TEDC2: variants seen among roughly 807,000 people sequenced by gnomAD.
TEDC2 encodes tubulin epsilon and delta complex protein 2.
In TEDC2, 49 loss-of-function variants were observed where a neutral mutation model predicts 48.1. That is an observed-to-expected ratio of 1.02 (90% CI 0.81 to 1.29). The LOEUF is 1.29. Ranked by LOEUF, TEDC2 falls within the 50% of genes most tolerant of loss-of-function variation. The pLI is 0.00. For synonymous variants in TEDC2, 299 were observed against 247.1 expected (o/e 1.21, Z -1.97); for missense variants, 631 against 571.4 (o/e 1.10, Z -1.06).
intron 4 of TEDC2, 191 bp from the exon 5 acceptor site, chr16:2,461,556 A>C (rs2065466883): frequency 1.5e-6 from 1 of 677,562 alleles, no homozygotes; most frequent in Non-Finnish European, 2.5e-6. Context: ...CTTCTCTCTA[A>C]TGGGGCAGCA....
Position 2,462,596 on chromosome 16 carries a change from A to G in TEDC2, c.863-35A>G, listed in dbSNP as rs560815265. The G allele has an allele frequency of 9.2e-5, 141 of 1,538,224 alleles. 3 individuals are homozygous for G. The South Asian group carries it at 1.7e-3, about 18-fold the overall frequency. On this transcript the variant is annotated intron_variant, in intron 7 of 9. Coordinates refer to ENST00000361837, the MANE Select transcript of TEDC2 (RefSeq NM_025108.3). ...GTGCAGGGAGGGTTTCCAGACTGCC[A>G]CGGGCCCCACCTGCTCTCCCTGACT...
chr16:2,460,834 AAGAC>A lies in TEDC2; in HGVS notation c.216_219del (p.Gln72HisfsTer8). On this transcript the variant is annotated frameshift_variant, in exon 4 of 10. Transcript: ENST00000361837. LOFTEE classifies it high-confidence loss of function. ...TTCACAGCATGCACACCCAGTCCACAAGACCTCAAAGAGTTGGAGTTTCTGACCC... is the reference window on the plus strand; with the variant it reads ...TTCACAGCATGCACACCCAGTCCACACTCAAAGAGTTGGAGTTTCTGACCC... 1 of 1,612,832 alleles carries A rather than the reference AAGAC, an allele frequency of 6.2e-7. No individual in the cohort carries two copies. Among genetic ancestry groups the A allele is most frequent in the Non-Finnish European group, 8.5e-7 (1 of 1,179,674 alleles).
chr16:2,464,118 G>C lies in TEDC2; in HGVS notation c.1044G>C (p.Glu348Asp). Residue 348 changes from glutamate to aspartate, a missense_variant, in exon 9 of 10, where the codon GAG becomes GAC. Physicochemically the swap from Glu to Asp is conservative, Grantham distance 45 (BLOSUM62 2). Coordinates refer to ENST00000361837, the MANE Select transcript of TEDC2 (RefSeq NM_025108.3). ...CGCCGTCCTGTGGGGGTAGAGCGGAGCCTGCATGGAGCCCCCAGCTGCTTG... is the reference window on the plus strand; with the variant it reads ...CGCCGTCCTGTGGGGGTAGAGCGGACCCTGCATGGAGCCCCCAGCTGCTTG... Reference protein sequence around the residue: ...GASPSCGGRAEPAWSPQLLVY... With the variant: ...GASPSCGGRADPAWSPQLLVY... The C allele has an allele frequency of 6.2e-7, 1 of 1,612,840 alleles. No individual in the cohort carries two copies. The highest frequency in any genetic ancestry group is 8.5e-7 in the Non-Finnish European group (1 of 1,179,972).
intron 6 of TEDC2, 71 bp downstream of exon 6, chr16:2,462,310 C>G: frequency 6.2e-7 from 1 of 1,603,312 alleles, no homozygotes; most frequent in Non-Finnish European, 8.5e-7. Context: ...CAGAGCAGCC[C>G]CAGGAGGGGC....
chr16:2,463,128 T>C lies in TEDC2; in HGVS notation c.964+396T>C, dbSNP rs200104312. Among the ~76,000 whole-genome samples the C allele has an allele frequency of 2.2e-4, 33 of 150,592 alleles. No individual in the cohort carries two copies. In the South Asian group the frequency reaches 4.4e-3, roughly 20 times the overall value. ...TGAGGTCAGGAGATCAAGACCATCC[T>C]GGCTAACACGGTGAAACCCTGTCTC... is the stretch of plus-strand genomic sequence containing the variant. On this transcript the variant is annotated intron_variant, in intron 8 of 9. Transcript: ENST00000361837.
chr16:2,460,596 G>A (rs542950299), intron 2 of TEDC2, 27 bp from the exon 3 acceptor site: 1 of 1,611,914 alleles, frequency 6.2e-7, no homozygotes, highest in African/African-American at 1.3e-5. Flanking sequence ...CCTCCTGGCC[G>A]TGCGACGGCT....
chr16:2,464,627 GC>G lies in TEDC2; in HGVS notation c.1262del (p.Ala421AspfsTer50). On this transcript the variant is annotated frameshift_variant, in exon 10 of 10. Transcript: ENST00000361837. LOFTEE classifies it high-confidence loss of function. Reference protein sequence around the residue: ...AVHSLLCEGGARVLTILRDEP... With the variant: ...AVHSLLCEGGXRVLTILRDEP... ...GCACAGCCTGCTCTGCGAGGGAGGA[GC>G]ACGTGTCCTTACCATCCTGCGGGAT... The G allele has an allele frequency of 6.2e-7, 1 of 1,612,846 alleles. No homozygotes were observed. Among genetic ancestry groups the G allele is most frequent in the Non-Finnish European group, 8.5e-7 (1 of 1,179,978 alleles).
At chr16:2,460,772 G>A (rs771211468) in intron 3 of TEDC2, 44 bp from the exon 4 acceptor site, 4 of 1,611,114 alleles carry the variant, frequency 2.5e-6, no homozygotes, top group Non-Finnish European at 2.5e-6. Context: ...ACCCTCCTGG[G>A]GGACAGTGGG....
At chr16:2,461,383 C>A in intron 4 of TEDC2, 159 bp downstream of exon 4, 1 of 1,042,772 alleles carries the variant, frequency 9.6e-7, no homozygotes, top group Non-Finnish European at 1.3e-6. Flanking sequence ...AATGAAGCAG[C>A]TGTGTGGTGG....
intron 4 of TEDC2, 25 bp downstream of exon 4, chr16:2,461,249 AG>A: frequency 6.9e-7 from 1 of 1,443,854 alleles, no homozygotes; most frequent in Non-Finnish European, 9.1e-7. Flanking sequence ...CCCTCACTGG[AG>A]GGACTTCTGT....
Position 2,462,488 on chromosome 16 carries a change from C to T in TEDC2, c.824C>T (p.Ser275Leu), listed in dbSNP as rs373157373. 5.1e-5 allele frequency: 82 copies of T among 1,609,086 alleles called. No homozygotes were observed. The highest frequency in any genetic ancestry group is 1.7e-4 in the Middle Eastern group (1 of 5,932). ...GCGGGGCGCCTGCGGAAGGCCTGCT[C>T]GCTGCTGAGACTGCGCATGAGGGAG... ...AEAGRLRKAC[S>L]LLRLRMREEL... Residue 275 changes from serine (S) to leucine (L), a missense_variant, in exon 7 of 10, where the codon TCG (serine) becomes TTG (leucine). Physicochemically the swap from Ser to Leu is moderately radical, Grantham distance 145. Coordinates refer to ENST00000361837, the MANE Select transcript of TEDC2 (RefSeq NM_025108.3).
chr16:2,462,420 C>T lies in TEDC2; in HGVS notation c.756C>T (p.Gly252=), dbSNP rs777987046. Residue 252 remains glycine, a synonymous_variant, in exon 7 of 10, where the codon GGC becomes GGT. Transcript: ENST00000361837. ...TTTTCCTGACCCATATCCAGTCAGG[C>T]GGGCCCCAGCCCAGGCTCAGTGCTG... is the stretch of plus-strand genomic sequence containing the variant. The part of the protein sequence containing the change: ...QFLQNMQTAS[G]GPQPRLSAVE... 9.9e-6 allele frequency: 16 copies of T among 1,611,900 alleles called. No homozygotes were observed. Among genetic ancestry groups the T allele is most frequent in the South Asian group, 5.5e-5 (5 of 91,040 alleles).
In TEDC2 at chr16:2,460,690, C is replaced by G; in HGVS notation, c.193C>G (p.Pro65Ala). ...GPETNGEDPL[P>A]ACTPSPQDLK... ...AGAAACTAATGGAGAGGACCCCCTTCCAGGTAAACCTCCACCACCCGCCTT... is the reference window on the plus strand; with the variant it reads ...AGAAACTAATGGAGAGGACCCCCTTGCAGGTAAACCTCCACCACCCGCCTT... Residue 65 changes from proline to alanine, a missense_variant, in exon 3 of 10, where the codon CCA becomes GCA. By Grantham distance (27) the Pro-to-Ala change is conservative. Transcript: ENST00000361837. 1 of 1,613,080 alleles carries G rather than the reference C, an allele frequency of 6.2e-7. No individual in the cohort carries two copies. Among genetic ancestry groups the G allele is most frequent in the Non-Finnish European group, 8.5e-7 (1 of 1,180,006 alleles).
In TEDC2 at chr16:2,462,673, T is replaced by C. The variant is rs1354805980; in HGVS notation, c.905T>C (p.Leu302Pro). 5 of 1,546,912 alleles carry C rather than the reference T, an allele frequency of 3.2e-6. No homozygotes were observed. The highest frequency in any genetic ancestry group is 2.4e-5 in the East Asian group (1 of 41,010). ...WMQEYRCLLTLEGLQAMVGQC... is the reference protein window; with the variant it reads ...WMQEYRCLLTPEGLQAMVGQC... ...CAGGAGTACCGCTGCCTGCTCACGCTGGAGGGGCTGCAGGCCATGGTGGGC... is the reference window on the plus strand; with the variant it reads ...CAGGAGTACCGCTGCCTGCTCACGCCGGAGGGGCTGCAGGCCATGGTGGGC... The change falls in exon 8 of 10, where the codon CTG (leucine) becomes CCG (proline). Residue 302 changes from leucine to proline, a missense_variant. Leu to Pro is a moderately conservative substitution (Grantham distance 98, BLOSUM62 -3). Coordinates refer to ENST00000361837, the MANE Select transcript of TEDC2 (RefSeq NM_025108.3).
rs755000904 is a variant in TEDC2 at position 2,464,878 on chromosome 16, C to T, written c.*210C>T. 8.5e-5 allele frequency: 54 copies of T among 637,220 alleles called. No individual in the cohort carries two copies. The highest frequency in any genetic ancestry group is 1.2e-4 in the Non-Finnish European group (45 of 381,020). The allele number at this position is 637,220 out of a possible 1,614,324, so 39.5% of individuals were successfully genotyped here. The stretch of plus-strand genomic sequence containing the variant: ...AAGGCTCCTGGACTCCAGAGGCCAG[C>T]GGGGAGCCTTTCCTGGCTCCCTCTG... On this transcript the variant is annotated 3_prime_UTR_variant, in exon 10 of 10. Coordinates refer to ENST00000361837, the MANE Select transcript of TEDC2 (RefSeq NM_025108.3).
chr16:2,462,594 C>T (rs1177407162), intron 7 of TEDC2, 37 bp from the exon 8 acceptor site: 2 of 1,536,132 alleles, frequency 1.3e-6, no homozygotes, highest in Non-Finnish European at 1.8e-6. Flanking sequence ...TTCCAGACTG[C>T]CACGGGCCCC....
intron 6 of TEDC2, 40 bp downstream of exon 6, chr16:2,462,279 G>C (rs776007235): frequency 6.8e-6 from 11 of 1,609,660 alleles, no homozygotes; most frequent in African/African-American, 1.3e-5. Context: ...GGGGCCTCTA[G>C]CTCTGAACCT....
In TEDC2 at chr16:2,461,018, T is replaced by C; in HGVS notation, c.399T>C (p.Ala133=). The change falls in exon 4 of 10, where the codon GCT becomes GCC. Residue 133 remains alanine, a synonymous_variant. Coordinates refer to ENST00000361837, the MANE Select transcript of TEDC2 (RefSeq NM_025108.3). ...PHSPGQAGGH[A]SDTRPTKGLR... Reference sequence around the variant, plus strand: ...CCCCAGGCCAAGCTGGTGGCCATGCTTCAGACACGAGACCCACCAAGGGCC... The same window carrying C: ...CCCCAGGCCAAGCTGGTGGCCATGCCTCAGACACGAGACCCACCAAGGGCC... 6.2e-7 allele frequency: 1 copy of C among 1,612,656 alleles called. No homozygotes were observed. Among genetic ancestry groups the C allele is most frequent in the South Asian group, 1.1e-5 (1 of 91,070 alleles).
Position 2,461,014 on chromosome 16 carries a change from A to C in TEDC2, c.395A>C (p.His132Pro). The C allele has an allele frequency of 6.2e-7, 1 of 1,612,798 alleles. No individual in the cohort carries two copies. Among genetic ancestry groups the C allele is most frequent in the Non-Finnish European group, 8.5e-7 (1 of 1,179,780 alleles). Reference protein sequence around the residue: ...PPHSPGQAGGHASDTRPTKGL... With the variant: ...PPHSPGQAGGPASDTRPTKGL... ...CATTCCCCAGGCCAAGCTGGTGGCC[A>C]TGCTTCAGACACGAGACCCACCAAG... Residue 132 changes from histidine to proline, a missense_variant, in exon 4 of 10, where the codon CAT becomes CCT. Transcript: ENST00000361837.
Sources: gnomAD v4.1 joint callset for allele counts (sites outside exome capture counted in the v4.1 genomes callset) on GRCh38, gnomAD v4.1.1 for gene constraint, MANE v1.5 for transcripts, NCBI Gene and HGNC (gene_info 2026-07-23, HGNC 2026-07-21) for gene names.